Variants in LIMCH1 observed in about 807,000 individuals in gnomAD.
LIMCH1 encodes LIM and calponin homology domains 1, also known as LIM and calponin homology domains-containing protein 1.
LIMCH1 carries 113 observed loss-of-function variants against 176.5 expected under a neutral mutation model. That is an observed-to-expected ratio of 0.64 (90% CI 0.55 to 0.75). LIMCH1 has a LOEUF of 0.75. Ranked by LOEUF, LIMCH1 falls within the 30% of genes least tolerant of loss-of-function variation. The pLI, the probability that LIMCH1 is intolerant of heterozygous loss-of-function variation, is 0.00. For synonymous variants in LIMCH1, 619 were observed against 645.9 expected (o/e 0.96, Z 0.63); for missense variants, 1,674 against 1,814.9 (o/e 0.92, Z 1.41).
chr4:41,485,516 G>A (rs527368958), intron 1 of LIMCH1, among the ~76,000 whole-genome samples: 1 of 152,300 alleles, frequency 6.6e-6, no homozygotes, highest in South Asian at 2.1e-4. Context: ...GGCATAGTTG[G>A]TGACATAATT....
Position 41,384,884 on chromosome 4 carries a change from G to A in LIMCH1, c.96+23948G>A, listed in dbSNP as rs561248383. On this transcript the variant is annotated intron_variant, in intron 1 of 26. Transcript: ENST00000313860. The stretch of plus-strand genomic sequence containing the variant: ...ACTTTGTATGCTTGACAATATGATA[G>A]AACTTGAAAAAAAGAGGAAATCTAG... 1.3e-4 allele frequency among the ~76,000 whole-genome samples: 20 copies of A among 151,888 alleles called. No homozygotes were observed. In the South Asian group the frequency reaches 2.7e-3, roughly 20 times the overall value.
At chr4:41,393,854 ATCTT>A (rs1305166819) in intron 1 of LIMCH1, among the ~76,000 whole-genome samples, 1 of 152,220 alleles carries the variant, frequency 6.6e-6, no homozygotes, top group Non-Finnish European at 1.5e-5. Context: ...TTCAAAATGT[ATCTT>A]TATCCTCTGG....
chr4:41,667,968 C>CA (rs11315408), intron 21 of LIMCH1, among the ~76,000 whole-genome samples: 17,118 of 140,116 alleles, frequency 0.12, 1,281 homozygotes, highest in Middle Eastern at 0.27. Flanking sequence ...TTGTCGCTAC[C>CA]AAAAAAAAAA....
At chr4:41,425,711 C>A (rs1427822537) in intron 1 of LIMCH1, among the ~76,000 whole-genome samples, 1 of 152,206 alleles carries the variant, frequency 6.6e-6, no homozygotes, top group Non-Finnish European at 1.5e-5. Flanking sequence ...CTGCTACCTG[C>A]TTCTTTTTAA....
At chr4:41,629,438 C>T (rs1265296952) in intron 8 of LIMCH1, 54 bp from the exon 9 acceptor site, 1 of 1,524,874 alleles carries the variant, frequency 6.6e-7, no homozygotes, top group Non-Finnish European at 8.8e-7. Context: ...TGTCTGCTCC[C>T]CTTCCTTGAA....
At chr4:41,634,048 G>A (rs957726022) in intron 13 of LIMCH1, among the ~76,000 whole-genome samples, 16 of 152,200 alleles carry the variant, frequency 1.1e-4, no homozygotes, top group African/African-American at 3.9e-4. Context: ...TGAATAAATG[G>A]GAAATTCTTT....
chr4:41,572,191 C>G (rs1335826826), intron 1 of LIMCH1, among the ~76,000 whole-genome samples: 1 of 152,106 alleles, frequency 6.6e-6, no homozygotes, highest in African/African-American at 2.4e-5. Flanking sequence ...GGAAATGTAA[C>G]ACAATTAACA....
chr4:41,685,901 T>C (rs1720362491), intron 28 of LIMCH1, 71 bp downstream of exon 28: 1 of 1,513,012 alleles, frequency 6.6e-7, no homozygotes, highest in African/African-American at 1.4e-5. Context: ...GGGAGAAGAA[T>C]GAAAAATGTG....
chr4:41,621,646 C>A (rs991164551), intron 7 of LIMCH1, among the ~76,000 whole-genome samples: 3 of 152,040 alleles, frequency 2.0e-5, no homozygotes, highest in Admixed American at 6.5e-5. Context: ...GGATTACAAG[C>A]GTGTACCACC....
intron 20 of LIMCH1, among the ~76,000 whole-genome samples, chr4:41,663,852 TAAAAA>T (rs34659309): frequency 1.2e-5 from 1 of 82,760 alleles, no homozygotes; most frequent in Non-Finnish European, 2.2e-5. Context: ...TCTTCATCTC[TAAAAA>T]AAAAAAAAAA....
chr4:41,651,622 A>T (rs2094300636), intron 18 of LIMCH1, among the ~76,000 whole-genome samples: 1 of 152,130 alleles, frequency 6.6e-6, no homozygotes, highest in Non-Finnish European at 1.5e-5. Flanking sequence ...ACCTCATTAG[A>T]CTTGTTAATG....
chr4:41,692,615 A>G, intron 31 of LIMCH1: 1 of 428,370 alleles, frequency 2.3e-6, no homozygotes, highest in South Asian at 2.7e-5. Flanking sequence ...TCAGCACACC[A>G]GCAGGTCAAA....
At chr4:41,547,564 T>C (rs1448739751) in intron 1 of LIMCH1, among the ~76,000 whole-genome samples, 1 of 149,898 alleles carries the variant, frequency 6.7e-6, no homozygotes, top group East Asian at 1.9e-4. Flanking sequence ...AACTATAGTA[T>C]TGACCTTATA....
intron 10 of LIMCH1, among the ~76,000 whole-genome samples, 152 bp downstream of exon 10, chr4:41,631,629 C>T (rs80027976): frequency 0.021 from 3,187 of 152,244 alleles, 119 homozygotes; most frequent in African/African-American, 0.071. Context: ...GGTCCCCCTG[C>T]GGGGAACATG....
rs56174007 is a variant in LIMCH1 at position 41,399,685 on chromosome 4, C to CTT, written c.96+38763_96+38764dup. Reference sequence around the variant, plus strand: ...GTAACAATCCTATGAGGTGGATACTCTTTTTTTTTTTTTTTGAGATGGAGT... The same window carrying CTT: ...GTAACAATCCTATGAGGTGGATACTCTTTTTTTTTTTTTTTTTGAGATGGAGT... On this transcript the variant is annotated intron_variant, in intron 1 of 26. Transcript: ENST00000313860. Among the ~76,000 whole-genome samples the CTT allele has an allele frequency of 6.0e-4, 57 of 95,782 alleles. 7 individuals are homozygous for CTT. The highest frequency in any genetic ancestry group is 2.3e-3 in the African/African-American group (53 of 22,568). The allele number at this position is 95,782 out of a possible 152,430, so 62.8% of individuals were successfully genotyped here. A position where few individuals can be genotyped will look rare whatever the true frequency, so the allele number is the denominator to read the frequency against.
chr4:41,620,693 C>G lies in LIMCH1; in HGVS notation c.725+3C>G. ...CCAGCAGCACAGCGCTTTGCCAGGT[C>G]AGCTCTGGGCTGAGGGCTGGCCCGG... On this transcript the variant is annotated splice_donor_region_variant and intron_variant, in intron 7 of 31. Coordinates refer to ENST00000503057, the MANE Select transcript of LIMCH1 (RefSeq NM_001330672.2). The G allele has an allele frequency of 6.5e-7, 1 of 1,529,360 alleles. No homozygotes were observed. Among genetic ancestry groups the G allele is most frequent in the Non-Finnish European group, 8.8e-7 (1 of 1,142,322 alleles). The allele number at this position is 1,529,360 out of a possible 1,614,324, so 94.7% of individuals were successfully genotyped here.
At chr4:41,552,776 G>A (rs928616065) in intron 1 of LIMCH1, among the ~76,000 whole-genome samples, 1 of 151,952 alleles carries the variant, frequency 6.6e-6, no homozygotes, top group African/African-American at 2.4e-5. Context: ...TGCATTTTAT[G>A]TCCTTATTAC....
At chr4:41,648,474 C>G (rs915122481) in intron 17 of LIMCH1, among the ~76,000 whole-genome samples, 15 of 152,136 alleles carry the variant, frequency 9.9e-5, no homozygotes, top group African/African-American at 3.6e-4. Context: ...GGAGATTACT[C>G]CTCATCACTC....
chr4:41,530,830 T>G (rs2077207254), intron 3 of LIMCH1, among the ~76,000 whole-genome samples: 1 of 139,846 alleles, frequency 7.2e-6, no homozygotes, highest in Admixed American at 7.0e-5. Context: ...TTTTTTTTTT[T>G]TTTTTTTTTT....
Sources: allele counts gnomAD v4.1 joint callset (sites outside exome capture counted in the v4.1 genomes callset), GRCh38; gene constraint gnomAD v4.1.1; transcripts MANE v1.5; gene names NCBI Gene and HGNC (gene_info 2026-07-23, HGNC 2026-07-21).